The following ART4 variants were observed in gnomAD, a reference collection of about 807,000 sequenced individuals.
ART4 encodes the protein ecto-ADP-ribosyltransferase 4.
ART4 carries 14 observed loss-of-function variants against 24.2 expected under a neutral mutation model. That is an observed-to-expected ratio of 0.58 (90% confidence interval 0.38 to 0.90). The LOEUF is 0.90. Ranked by LOEUF, ART4 falls within the 40% of genes least tolerant of loss-of-function variation. The probability of loss-of-function intolerance (pLI) is 0.00; values close to 1 mark genes in which losing one functional copy is unlikely to be tolerated. For missense variants in ART4, 356 were observed against 366.6 expected (o/e 0.97, Z 0.24); for synonymous variants, 145 against 139.9 (o/e 1.04, Z -0.26).
chr12:14,838,920 TC>T (rs1950448098), intron 2 of ART4, among the ~76,000 whole-genome samples: 3 of 145,696 alleles, frequency 2.1e-5, no homozygotes, highest in African/African-American at 7.6e-5. Context: ...TTTTTCTGAA[TC>T]AAAAAGGGCA....
At position 14,826,298 on chromosome 12, in the gene ART4, T is replaced by C. The variant is rs1325292939; in HGVS notation, c.*3073A>G. The C allele has an allele frequency of 6.6e-6, 1 of 152,220 alleles. No homozygotes were observed. 9.4% of individuals were successfully genotyped at this position (152,220 alleles called of 1,614,324 possible). ...CATAATTTTAAGAGAATAGTTTCTG[T>C]CTCCAGAGATTTGATCTGTAAAACA... On this transcript the variant is annotated 3_prime_UTR_variant, in exon 3 of 3. Coordinates refer to ENST00000228936, the MANE Select transcript of ART4 (RefSeq NM_021071.4).
At chr12:14,839,134 T>G (rs1388752778) in intron 2 of ART4, among the ~76,000 whole-genome samples, 1 of 152,214 alleles carries the variant, frequency 6.6e-6, no homozygotes, top group Non-Finnish European at 1.5e-5. Flanking sequence ...CTTAAAAACT[T>G]CTAATTACTT....
In ART4 at chr12:14,827,510, T is replaced by G. The variant is rs1950366891; in HGVS notation, c.*1861A>C. On this transcript the variant is annotated 3_prime_UTR_variant, in exon 3 of 3. Transcript: ENST00000228936. Reference sequence around the variant, plus strand: ...CCTCCGCCTCCTGGGTTTAGGCAATTTTCCTGCCTCAGCCTCCCAAGTAGC... The same window carrying G: ...CCTCCGCCTCCTGGGTTTAGGCAATGTTCCTGCCTCAGCCTCCCAAGTAGC... 6.6e-6 allele frequency: 1 copy of G among 152,434 alleles called. No individual in the cohort carries two copies. The highest frequency in any genetic ancestry group is 1.5e-5 in the Non-Finnish European group (1 of 68,256). The allele number at this position is 152,434 out of a possible 1,614,324, so 9.4% of individuals were successfully genotyped here.
At chr12:14,833,712 C>G (rs1345502356) in intron 2 of ART4, among the ~76,000 whole-genome samples, 2 of 152,240 alleles carry the variant, frequency 1.3e-5, no homozygotes, top group African/African-American at 4.8e-5. Context: ...AAGTCTGAAT[C>G]TGAATTTTAT....
Position 14,840,951 on chromosome 12 carries a change from G to C in ART4, c.347C>G (p.Thr116Ser). 1 of 1,614,242 alleles carries C rather than the reference G, an allele frequency of 6.2e-7. No individual in the cohort carries two copies. Among genetic ancestry groups the C allele is most frequent in the Non-Finnish European group, 8.5e-7 (1 of 1,180,044 alleles). Residue 116 changes from threonine (T) to serine (S), a missense_variant, in exon 2 of 3, where the codon ACT becomes AGT. By Grantham distance (58) the Thr-to-Ser change is moderately conservative. Coordinates refer to ENST00000228936, the MANE Select transcript of ART4 (RefSeq NM_021071.4). ...CAAAATAGCCACAGCGTGTGTGGTA[G>C]TCATGTTCTGGGGTAGAACTTTTCC... ...NQGKVLPQNMTTTHAVAILFY... is the reference protein window; with the variant it reads ...NQGKVLPQNMSTTHAVAILFY...
chr12:14,840,351 TG>T, intron 2 of ART4, 93 bp downstream of exon 2: 3 of 1,087,888 alleles, frequency 2.8e-6, no homozygotes, highest in Non-Finnish European at 3.9e-6. Flanking sequence ...TTCATGTTTT[TG>T]ATCTTTCCCC....
At chr12:14,833,325 A>C (rs955881106) in intron 2 of ART4, among the ~76,000 whole-genome samples, 2 of 152,214 alleles carry the variant, frequency 1.3e-5, no homozygotes, top group Admixed American at 6.5e-5. Context: ...CTTAAAACTA[A>C]CGGTAGTTTC....
At chr12:14,831,663 C>T (rs575419454) in intron 2 of ART4, among the ~76,000 whole-genome samples, 6 of 152,148 alleles carry the variant, frequency 3.9e-5, no homozygotes, top group Admixed American at 2.6e-4. Context: ...TTGTGGGGAG[C>T]TCATCCAGTC....
At chr12:14,841,247 C>G (rs555762486) in intron 1 of ART4, 94 bp from the exon 2 acceptor site, 2 of 1,159,418 alleles carry the variant, frequency 1.7e-6, no homozygotes, top group Admixed American at 5.0e-5. Flanking sequence ...AAGTCTTCTC[C>G]TGGAAACCAA....
Position 14,830,665 on chromosome 12 carries a change from A to G in ART4, c.854-1203T>C, listed in dbSNP as rs1434505018. Among the ~76,000 whole-genome samples, 33 of 90,952 alleles carry G rather than the reference A, an allele frequency of 3.6e-4. 1 individual carries two copies. Among genetic ancestry groups the G allele is most frequent in the African/African-American group, 1.3e-3 (28 of 21,142 alleles). 59.7% of individuals were successfully genotyped at this position (90,952 alleles called of 152,430 possible). A position where few individuals can be genotyped will look rare whatever the true frequency, so the allele number is the denominator to read the frequency against. Reference sequence around the variant, plus strand: ...TGTATGTATGTATATATATATATATATATATATATATATATATATATATAT... The same window carrying G: ...TGTATGTATGTATATATATATATATGTATATATATATATATATATATATAT... On this transcript the variant is annotated intron_variant, in intron 2 of 2. Transcript: ENST00000228936.
At chr12:14,836,415 T>C (rs918496425) in intron 2 of ART4, among the ~76,000 whole-genome samples, 1 of 151,762 alleles carries the variant, frequency 6.6e-6, no homozygotes, top group East Asian at 1.9e-4. Context: ...TGACTCACAG[T>C]GTAGACTGTG....
rs1265990053 is a variant in ART4 at position 14,828,521 on chromosome 12, G to T, written c.*850C>A. 1.3e-5 allele frequency: 2 copies of T among 151,794 alleles called. No homozygotes were observed. The highest frequency in any genetic ancestry group is 2.9e-5 in the Non-Finnish European group (2 of 67,982). 9.4% of individuals were successfully genotyped at this position (151,794 alleles called of 1,614,324 possible). On this transcript the variant is annotated 3_prime_UTR_variant, in exon 3 of 3. Transcript: ENST00000228936. ...ATCTCTGAAGAAAATTCACACCTTG[G>T]TTAATCTCTGGGGTTCAAAGCTTTT...
chr12:14,829,898 CA>C, intron 2 of ART4, among the ~76,000 whole-genome samples: 1 of 152,154 alleles, frequency 6.6e-6, no homozygotes, highest in Admixed American at 6.5e-5. Flanking sequence ...TTTTTATTCT[CA>C]ATATCCTTGG....
Position 14,843,296 on chromosome 12 carries a change from G to A in ART4, c.-183C>T, listed in dbSNP as rs1352871419. ...TTGTCTGAGGGAAGAAATCAACTCC[G>A]ACTTCTTTGCAAAACTGAAATCTCT... is the stretch of plus-strand genomic sequence containing the variant. On this transcript the variant is annotated 5_prime_UTR_variant, in exon 1 of 3. Transcript: ENST00000228936. 3.8e-5 allele frequency: 24 copies of A among 630,600 alleles called. No homozygotes were observed. Among genetic ancestry groups the A allele is most frequent in the Admixed American group, 1.5e-4 (5 of 32,552 alleles). The allele number at this position is 630,600 out of a possible 1,614,324, so 39.1% of individuals were successfully genotyped here.
intron 1 of ART4, among the ~76,000 whole-genome samples, chr12:14,841,619 T>G (rs1026281776): frequency 2.6e-5 from 4 of 152,182 alleles, no homozygotes; most frequent in Non-Finnish European, 4.4e-5. Context: ...CTAAGGGGGC[T>G]CTCATAAGTA....
In ART4 at chr12:14,840,476, G is replaced by A. The variant is rs745482611; in HGVS notation, c.822C>T (p.Asn274=). The A allele has an allele frequency of 7.4e-6, 12 of 1,613,424 alleles. No homozygotes were observed. The East Asian group carries it at 2.7e-4, about 36-fold the overall frequency. The part of the protein sequence containing the change: ...GDWLQLRSTG[N]LSTYNCQLLK... The stretch of plus-strand genomic sequence containing the variant: ...GCAGCTGACAGTTATATGTGCTCAG[G>A]TTCCCAGTTGACCTCAACTGCAACC... Residue 274 remains asparagine, a synonymous_variant, in exon 2 of 3, where the codon AAC becomes AAT. Coordinates refer to ENST00000228936, the MANE Select transcript of ART4 (RefSeq NM_021071.4).
In ART4 at chr12:14,828,182, A is replaced by C. The variant is rs1472036273; in HGVS notation, c.*1189T>G. On this transcript the variant is annotated 3_prime_UTR_variant, in exon 3 of 3. Coordinates refer to ENST00000228936, the MANE Select transcript of ART4 (RefSeq NM_021071.4). ...AGTTTACATGTAATGAGACCTCGCT[A>C]TATTGCTGATATTTGTTTGTAATCA... 1 of 152,122 alleles carries C rather than the reference A, an allele frequency of 6.6e-6. No individual in the cohort carries two copies. Among genetic ancestry groups the C allele is most frequent in the Non-Finnish European group, 1.5e-5 (1 of 68,006 alleles). The allele number at this position is 152,122 out of a possible 1,614,324, so 9.4% of individuals were successfully genotyped here. A position where few individuals can be genotyped will look rare whatever the true frequency, so the allele number is the denominator to read the frequency against.
rs370203212 is a variant in ART4 at position 14,840,752 on chromosome 12, G to A, written c.546C>T (p.Cys182=). 1 of 1,614,142 alleles carries A rather than the reference G, an allele frequency of 6.2e-7. No homozygotes were observed. The highest frequency in any genetic ancestry group is 1.3e-5 in the African/African-American group (1 of 75,034). The change falls in exon 2 of 3, where the codon TGC becomes TGT. Residue 182 remains cysteine, a synonymous_variant. Coordinates refer to ENST00000228936, the MANE Select transcript of ART4 (RefSeq NM_021071.4). ...KDSIMENGTL[C]YEVHYRTKDV... ...CCTTCGTCCTATAATGCACCTCATA[G>A]CACAGAGTGCCATTCTCCATGATGC...
At chr12:14,837,458 A>C (rs1194210094) in intron 2 of ART4, among the ~76,000 whole-genome samples, 1 of 152,240 alleles carries the variant, frequency 6.6e-6, no homozygotes, top group Non-Finnish European at 1.5e-5. Context: ...TGAAGTTAGT[A>C]ATAGCTAACA....
Sources: gnomAD v4.1 joint callset for allele counts (sites outside exome capture counted in the v4.1 genomes callset) on GRCh38, gnomAD v4.1.1 for gene constraint, MANE v1.5 for transcripts, NCBI Gene and HGNC (gene_info 2026-07-23, HGNC 2026-07-21) for gene names.